Variants in CNOT1 observed in about 807,000 individuals in gnomAD.
CNOT1 encodes CCR4-NOT transcription complex subunit 1.
Under a neutral mutation model 273.8 loss-of-function variants are expected in CNOT1, and 15 were observed. The observed-to-expected ratio is 0.05, with a 90% CI of 0.04 to 0.08. The LOEUF is 0.08. Among genes scored for constraint, CNOT1 ranks in the 10% least tolerant of loss-of-function variants. The pLI, the probability that CNOT1 is intolerant of heterozygous loss-of-function variation, is 1.00. For missense variants in CNOT1, 1,644 were observed against 2,912.2 expected (o/e 0.56, Z 10.02); for synonymous variants, 1,022 against 1,005.5 (o/e 1.02, Z -0.31).
In CNOT1 at chr16:58,547,473, C is replaced by T. The variant is rs909377400; in HGVS notation, c.3639+93G>A. 2.0e-6 allele frequency: 3 copies of T among 1,521,220 alleles called. No individual in the cohort carries two copies. In the African/African-American group the frequency reaches 4.2e-5, roughly 21 times the overall value. 94.2% of individuals were successfully genotyped at this position (1,521,220 alleles called of 1,614,324 possible). A position where few individuals can be genotyped will look rare whatever the true frequency, so the allele number is the denominator to read the frequency against. ...AAACGTGGGCCAAAATCTTACAAAA[C>T]CCCAATAATCATTAAATAGCTCCAA... On this transcript the variant is annotated intron_variant, in intron 26 of 48. Transcript: ENST00000317147. The surrounding 1 kb of genome is among the most constrained non-coding windows in gnomAD (Gnocchi z 4.0).
Position 58,532,184 on chromosome 16 carries a change from A to G in CNOT1, c.6059+48T>C, listed in dbSNP as rs766880360. On this transcript the variant is annotated intron_variant, in intron 41 of 48. Coordinates refer to ENST00000317147, the MANE Select transcript of CNOT1 (RefSeq NM_016284.5). ...AGAGTTCTACTCCCAAAATTTTACTACATTAATCCAGCAAACCTTAACACA... is the reference window on the plus strand; with the variant it reads ...AGAGTTCTACTCCCAAAATTTTACTGCATTAATCCAGCAAACCTTAACACA... 7 of 1,607,296 alleles carry G rather than the reference A, an allele frequency of 4.4e-6. No individual in the cohort carries two copies. In the African/African-American group the frequency reaches 8.0e-5, roughly 18 times the overall value.
intron 16 of CNOT1, among the ~76,000 whole-genome samples, chr16:58,568,024 A>T (rs1347777362): frequency 2.0e-5 from 3 of 152,204 alleles, no homozygotes; most frequent in Non-Finnish European, 4.4e-5. Flanking sequence ...CTTATTGCCT[A>T]TCTGAGGTGG....
At chr16:58,526,430 A>G (rs1425565930) in intron 44 of CNOT1, among the ~76,000 whole-genome samples, 1 of 151,574 alleles carries the variant, frequency 6.6e-6, no homozygotes, top group Admixed American at 6.6e-5. Flanking sequence ...GTTTCAAAAT[A>G]ATAATCCGGA....
chr16:58,611,816 G>C (rs1273817355), intron 1 of CNOT1, among the ~76,000 whole-genome samples: 10 of 72,154 alleles, frequency 1.4e-4, no homozygotes. Context: ...ACGAGACTCT[G>C]TCTCAAAAAA....
At chr16:58,588,941 A>C (rs559232628) in intron 2 of CNOT1, 35 bp from the exon 3 acceptor site, 1 of 1,530,434 alleles carries the variant, frequency 6.5e-7, no homozygotes, top group Non-Finnish European at 8.8e-7. Flanking sequence ...TTAATAAGGG[A>C]AGATAAAACA....
At chr16:58,628,961 G>A (rs573322474) in intron 1 of CNOT1, among the ~76,000 whole-genome samples, 16 of 152,376 alleles carry the variant, frequency 1.1e-4, no homozygotes, top group African/African-American at 3.6e-4. Flanking sequence ...CAGCCTTGAG[G>A]CCTACAAGTG....
intron 16 of CNOT1, among the ~76,000 whole-genome samples, chr16:58,571,267 C>A (rs1195382834): frequency 6.6e-6 from 1 of 152,086 alleles, no homozygotes; most frequent in Non-Finnish European, 1.5e-5. Context: ...AAATATGTAA[C>A]CATTAAGGCC....
intron 1 of CNOT1, among the ~76,000 whole-genome samples, chr16:58,622,971 G>A (rs992173599): frequency 6.6e-6 from 1 of 152,094 alleles, no homozygotes; most frequent in Admixed American, 6.6e-5. Context: ...GCCAAGGCAG[G>A]CAGATCACCT....
chr16:58,538,317 A>C (rs1463914150), intron 36 of CNOT1, 51 bp from the exon 37 acceptor site: 1 of 842,592 alleles, frequency 1.2e-6, no homozygotes, highest in African/African-American at 1.7e-5. Context: ...ATACTGTAAA[A>C]GGGCCCATTT....
chr16:58,523,802 G>A (rs190341367), intron 46 of CNOT1: 1 of 239,244 alleles, frequency 4.2e-6, no homozygotes, highest in Non-Finnish European at 8.2e-6. Context: ...ACATTTTGCA[G>A]ATCTCTAAGT....
At chr16:58,629,290 G>A (rs544741380) in intron 1 of CNOT1, among the ~76,000 whole-genome samples, 1 of 152,302 alleles carries the variant, frequency 6.6e-6, no homozygotes, top group Admixed American at 6.5e-5. Context: ...CCTAGGCCTC[G>A]GAAGCCGATG....
At chr16:58,541,097 C>A (rs186531519) in intron 34 of CNOT1, among the ~76,000 whole-genome samples, 286 of 152,210 alleles carry the variant, frequency 1.9e-3, no homozygotes, top group Middle Eastern at 0.014. Context: ...CCTAGCTCCT[C>A]AGGAGGCTGA....
Position 58,523,497 on chromosome 16 carries a change from A to G in CNOT1, c.6790T>C (p.Tyr2264His), listed in dbSNP as rs771356837. 1 of 1,613,800 alleles carries G rather than the reference A, an allele frequency of 6.2e-7. No individual in the cohort carries two copies. Among genetic ancestry groups the G allele is most frequent in the Non-Finnish European group, 8.5e-7 (1 of 1,179,910 alleles). The change falls in exon 47 of 49, where the codon TAT becomes CAT. Residue 2264 changes from tyrosine to histidine, a missense_variant. Coordinates refer to ENST00000317147, the MANE Select transcript of CNOT1 (RefSeq NM_016284.5). ...LAVDLDTEGR[Y>H]LFLNAIANQL... ...TTTGCAATTGCATTCAAAAAGAGAT[A>G]GCGACCTAGAAATTAAGAAACCTTG...
Position 58,539,466 on chromosome 16 carries a change from T to TACACACAC in CNOT1, c.4992+294_4992+301dup, listed in dbSNP as rs55998166. On this transcript the variant is annotated intron_variant, in intron 35 of 48. Transcript: ENST00000317147. ...CCTGACAGAGAGAGACCCTGTCTCT[T>TACACACAC]ACACACACACACACACACACACACA... 3.6e-3 allele frequency among the ~76,000 whole-genome samples: 522 copies of TACACACAC among 145,654 alleles called. 2 individuals carry two copies. The highest frequency in any genetic ancestry group is 3.9e-3 in the Non-Finnish European group (261 of 66,530).
intron 1 of CNOT1, among the ~76,000 whole-genome samples, chr16:58,620,615 T>G (rs1320954880): frequency 7.3e-6 from 1 of 137,656 alleles, no homozygotes; most frequent in Non-Finnish European, 1.5e-5. Flanking sequence ...CGACACTACA[T>G]TCCAGCCTGG....
Position 58,558,462 on chromosome 16 carries a change from C to T in CNOT1, c.2332+11G>A, listed in dbSNP as rs775136012. On this transcript the variant is annotated intron_variant, in intron 18 of 48. Transcript: ENST00000317147. ...ATGAATAATCCATGCTCTCATTTGCCTCCCCCTTACCTGGAAGCTGTGATG... is the reference window on the plus strand; with the variant it reads ...ATGAATAATCCATGCTCTCATTTGCTTCCCCCTTACCTGGAAGCTGTGATG... 1.2e-6 allele frequency: 2 copies of T among 1,613,706 alleles called. No homozygotes were observed. The highest frequency in any genetic ancestry group is 3.3e-5 in the Admixed American group (2 of 59,998).
At chr16:58,617,838 TCTACAA>T (rs1432659381) in intron 1 of CNOT1, among the ~76,000 whole-genome samples, 2 of 152,170 alleles carry the variant, frequency 1.3e-5, no homozygotes, top group Non-Finnish European at 2.9e-5. Flanking sequence ...AGACCCTGTC[TCTACAA>T]CTACAACAAT....
rs147261677 is a variant in CNOT1 at position 58,604,966 on chromosome 16, C to G, written c.-174-5455G>C. On this transcript the variant is annotated intron_variant, in intron 1 of 48. Coordinates refer to ENST00000317147, the MANE Select transcript of CNOT1 (RefSeq NM_016284.5). The stretch of plus-strand genomic sequence containing the variant: ...CCTGCCTAACACGGTGAAACCCCAT[C>G]TCTACTAAAAATACAAAAAAGTAGC... Among the ~76,000 whole-genome samples, 496 of 150,136 alleles carry G rather than the reference C, an allele frequency of 3.3e-3. 3 individuals carry two copies. Among genetic ancestry groups the G allele is most frequent in the African/African-American group, 0.011 (465 of 40,902 alleles).
At chr16:58,573,175 G>A (rs1221264382) in intron 16 of CNOT1, among the ~76,000 whole-genome samples, 1 of 151,160 alleles carries the variant, frequency 6.6e-6, no homozygotes, top group Non-Finnish European at 1.5e-5. Flanking sequence ...GCATGGTGGT[G>A]CACACTTGTA....
Sources: allele counts gnomAD v4.1 joint callset (sites outside exome capture counted in the v4.1 genomes callset), GRCh38; gene constraint gnomAD v4.1.1; non-coding constraint Gnocchi (gnomAD v3.1); transcripts MANE v1.5; gene names NCBI Gene and HGNC (gene_info 2026-07-23, HGNC 2026-07-21).